CNDP2: variants seen among roughly 807,000 people sequenced by gnomAD.
CNDP2 encodes the protein carnosine dipeptidase 2.
A neutral mutation model predicts 55.0 loss-of-function variants in CNDP2; 38 were observed. That is an observed-to-expected ratio of 0.69 (90% CI 0.53 to 0.90). The LOEUF is 0.90. Among genes scored for constraint, CNDP2 ranks in the 40% least tolerant of loss-of-function variants. The pLI is 0.00. For synonymous variants in CNDP2, 241 were observed against 260.2 expected, an observed-to-expected ratio of 0.93 and a Z score of 0.71; for missense variants, 607 against 621.7, an observed-to-expected ratio of 0.98 and a Z score of 0.25.
rs149837832 is a variant in CNDP2 at position 74,511,349 on chromosome 18, G to A, written c.657+336G>A. On this transcript the variant is annotated intron_variant, in intron 6 of 11. Coordinates refer to ENST00000324262, the MANE Select transcript of CNDP2 (RefSeq NM_018235.3). ...CATTTTAGAAACACTTCCTTTTGAA[G>A]GTGGAAATATTTATATGTTAGCACT... 89 of 275,640 alleles carry A rather than the reference G, an allele frequency of 3.2e-4. 1 individual carries two copies. In the East Asian group the frequency reaches 6.8e-3, roughly 21 times the overall value. The allele number at this position is 275,640 out of a possible 1,614,324, so 17.1% of individuals were successfully genotyped here.
intron 3 of CNDP2, among the ~76,000 whole-genome samples, chr18:74,503,695 A>G (rs1978839139): frequency 2.0e-5 from 3 of 152,278 alleles, no homozygotes; most frequent in South Asian, 2.1e-4. Flanking sequence ...TTCAGCCACA[A>G]TTCTTTGTCC....
In CNDP2 at chr18:74,504,018, G is replaced by A. The variant is rs375628175; in HGVS notation, c.205-1831G>A. On this transcript the variant is annotated intron_variant, in intron 3 of 11. Transcript: ENST00000324262. ...GGGCGTCAGGCCATACACTGCACAC[G>A]CAGCCACACTGCTGCTGGGACAAAT... is the stretch of plus-strand genomic sequence containing the variant. Among the ~76,000 whole-genome samples the A allele has an allele frequency of 1.6e-4, 24 of 145,842 alleles. No homozygotes were observed. In the East Asian group the frequency reaches 3.6e-3, roughly 22 times the overall value.
chr18:74,516,042 C>T (rs1156772245), intron 8 of CNDP2, among the ~76,000 whole-genome samples, 186 bp from the exon 9 acceptor site: 2 of 152,224 alleles, frequency 1.3e-5, no homozygotes, highest in Admixed American at 1.3e-4. Context: ...CAGGGGCCTC[C>T]TTTGTGCTGA....
At position 74,505,981 on chromosome 18, in the gene CNDP2, A is replaced by G; in HGVS notation, c.337A>G (p.Ser113Gly). 1 of 1,603,614 alleles carries G rather than the reference A, an allele frequency of 6.2e-7. No individual in the cohort carries two copies. The highest frequency in any genetic ancestry group is 8.5e-7 in the Non-Finnish European group (1 of 1,176,728). ...QPAALEDGWD[S>G]EPFTLVERDG... Reference sequence around the variant, plus strand: ...TGCAGCCCTGGAGGACGGCTGGGACAGCGAGCCCTTCACCCTGGTGGAGCG... The same window carrying G: ...TGCAGCCCTGGAGGACGGCTGGGACGGCGAGCCCTTCACCCTGGTGGAGCG... The change falls in exon 4 of 12, where the codon AGC becomes GGC. Residue 113 changes from serine to glycine, a missense_variant. Transcript: ENST00000324262.
chr18:74,513,565 T>C lies in CNDP2; in HGVS notation c.749T>C (p.Leu250Ser). 2.5e-6 allele frequency: 4 copies of C among 1,612,448 alleles called. No homozygotes were observed. Among genetic ancestry groups the C allele is most frequent in the Non-Finnish European group, 3.4e-6 (4 of 1,179,552 alleles). ...MTDLILLMGS[L>S]VDKRGNILIP... is the part of the protein sequence containing the mutation. ...CCTCTCCGGCTTCCCTCAGGCTCTTTGGTGGACAAGAGGGGGAACATCCTG... is the reference window on the plus strand; with the variant it reads ...CCTCTCCGGCTTCCCTCAGGCTCTTCGGTGGACAAGAGGGGGAACATCCTG... Residue 250 changes from leucine to serine, a missense_variant, in exon 8 of 12, where the codon TTG becomes TCG. Leu to Ser is a moderately radical substitution (Grantham distance 145). Transcript: ENST00000324262.
rs1979655197 is a variant in CNDP2 at position 74,516,219 on chromosome 18, T to G, written c.904-9T>G. 1 of 1,604,866 alleles carries G rather than the reference T, an allele frequency of 6.2e-7. No individual in the cohort carries two copies. Among genetic ancestry groups the G allele is most frequent in the Admixed American group, 1.7e-5 (1 of 58,884 alleles). On this transcript the variant is annotated splice_polypyrimidine_tract_variant and intron_variant, in intron 8 of 11. Coordinates refer to ENST00000324262, the MANE Select transcript of CNDP2 (RefSeq NM_018235.3). ...CTGAGGTGTCCCTGACCCTCTGATTTTTCTGCAGAAAGACATCCTCATGCA... is the reference window on the plus strand; with the variant it reads ...CTGAGGTGTCCCTGACCCTCTGATTGTTCTGCAGAAAGACATCCTCATGCA...
intron 3 of CNDP2, among the ~76,000 whole-genome samples, chr18:74,505,419 T>C (rs1243737119): frequency 6.6e-6 from 1 of 152,034 alleles, no homozygotes; most frequent in African/African-American, 2.4e-5. Context: ...CGGGCAACAG[T>C]GAAACCCTGT....
At chr18:74,497,905 G>A (rs1038748729) in intron 1 of CNDP2, 2 of 150,904 alleles carry the variant, frequency 1.3e-5, no homozygotes, top group African/African-American at 4.9e-5. Context: ...AATTAGTGGT[G>A]TTCTCCAGAG....
intron 8 of CNDP2, among the ~76,000 whole-genome samples, chr18:74,514,166 C>T (rs1979512601): frequency 1.3e-5 from 2 of 152,210 alleles, no homozygotes; most frequent in African/African-American, 4.8e-5. Context: ...GTTCTGCAGG[C>T]TGTAGGGTTA....
At chr18:74,508,397 T>C (rs1979152797) in intron 4 of CNDP2, 1 of 159,540 alleles carries the variant, frequency 6.3e-6, no homozygotes, top group African/African-American at 2.4e-5. Flanking sequence ...GGTGTCACAA[T>C]TGGGTGGGGG....
intron 3 of CNDP2, among the ~76,000 whole-genome samples, chr18:74,503,715 A>G (rs772177076): frequency 4.6e-5 from 7 of 152,402 alleles, no homozygotes; most frequent in Non-Finnish European, 1.0e-4. Context: ...CCTGGTGGGT[A>G]CAGGCTGTCC....
chr18:74,518,498 G>T lies in CNDP2; in HGVS notation c.1069-1G>T. 1 of 1,614,088 alleles carries T rather than the reference G, an allele frequency of 6.2e-7. No homozygotes were observed. Among genetic ancestry groups the T allele is most frequent in the Non-Finnish European group, 8.5e-7 (1 of 1,180,022 alleles). Reference sequence around the variant, plus strand: ...ATACCTCTATTCTATTTGTGGTTTAGGTCACAAGCTACCTAACTAAGAAGT... The same window carrying T: ...ATACCTCTATTCTATTTGTGGTTTATGTCACAAGCTACCTAACTAAGAAGT... On this transcript the variant is annotated splice_acceptor_variant, in intron 9 of 11. Transcript: ENST00000324262. LOFTEE classifies it high-confidence loss of function.
At chr18:74,504,321 G>A (rs544052126) in intron 3 of CNDP2, among the ~76,000 whole-genome samples, 6 of 151,600 alleles carry the variant, frequency 4.0e-5, no homozygotes, top group African/African-American at 1.2e-4. Context: ...AATGAGGGGC[G>A]TCAGGCCATA....
chr18:74,498,624 A>T (rs1051461322), intron 1 of CNDP2, among the ~76,000 whole-genome samples: 2 of 152,178 alleles, frequency 1.3e-5, no homozygotes, highest in East Asian at 1.9e-4. Context: ...GCTAAATAGG[A>T]TTTCCTTTAA....
chr18:74,516,494 T>G, intron 9 of CNDP2, 102 bp downstream of exon 9: 3 of 1,182,114 alleles, frequency 2.5e-6, no homozygotes, highest in Non-Finnish European at 3.5e-6. Flanking sequence ...GGGCCATGCA[T>G]GCCCCCGCTT....
intron 8 of CNDP2, 72 bp from the exon 9 acceptor site, chr18:74,516,156 C>T: frequency 1.3e-6 from 2 of 1,482,930 alleles, no homozygotes; most frequent in South Asian, 2.6e-5. Context: ...ACAACATTCC[C>T]AGCTCCTCGG....
At chr18:74,500,891 G>A (rs1183790810) in intron 2 of CNDP2, among the ~76,000 whole-genome samples, 1 of 152,194 alleles carries the variant, frequency 6.6e-6, no homozygotes, top group Non-Finnish European at 1.5e-5. Flanking sequence ...ATGCACCGGT[G>A]GTCAGAGAGA....
At position 74,519,102 on chromosome 18, in the gene CNDP2, A is replaced by C. The variant is rs1979902501; in HGVS notation, c.1358+6A>C. The C allele has an allele frequency of 1.2e-6, 2 of 1,603,324 alleles. No individual in the cohort carries two copies. The highest frequency in any genetic ancestry group is 2.2e-5 in the South Asian group (2 of 90,506). On this transcript the variant is annotated splice_donor_region_variant and intron_variant, in intron 11 of 11. Transcript: ENST00000324262. ...CAGAATGAAAAGCTCAACAGGTGAG[A>C]GTCCAGGGTGCGGCCCAGGTTGGCG...
rs946881168 is a variant in CNDP2 at position 74,513,578 on chromosome 18, G to T, written c.762G>T (p.Arg254Ser). 1 of 1,613,352 alleles carries T rather than the reference G, an allele frequency of 6.2e-7. No homozygotes were observed. ...ILLMGSLVDK[R>S]GNILIPGINE... ...CCTCAGGCTCTTTGGTGGACAAGAG[G>T]GGGAACATCCTGATCCCCGGCATTA... The change falls in exon 8 of 12, where the codon AGG (arginine) becomes AGT (serine). Residue 254 changes from arginine (R) to serine (S), a missense_variant. By Grantham distance (110) the Arg-to-Ser change is moderately radical (BLOSUM62 -1). Coordinates refer to ENST00000324262, the MANE Select transcript of CNDP2 (RefSeq NM_018235.3).
Sources: allele counts gnomAD v4.1 joint callset (sites outside exome capture counted in the v4.1 genomes callset), GRCh38; gene constraint gnomAD v4.1.1; transcripts MANE v1.5; gene names NCBI Gene and HGNC (gene_info 2026-07-23, HGNC 2026-07-21).